LAMB1: variants seen among roughly 807,000 people sequenced by gnomAD.
LAMB1 encodes the protein laminin subunit beta 1, also known as laminin subunit beta-1.
A neutral mutation model predicts 222.3 loss-of-function variants in LAMB1; 121 were observed. The observed-to-expected ratio is 0.54, with a 90% CI of 0.47 to 0.63. The LOEUF is 0.63. Ranked by LOEUF, LAMB1 falls within the 30% of genes least tolerant of loss-of-function variation. The probability of loss-of-function intolerance (pLI) is 0.00; values close to 1 mark genes in which losing one functional copy is unlikely to be tolerated. For missense variants in LAMB1, 2,172 were observed against 2,240.8 expected (o/e 0.97, Z 0.62); for synonymous variants, 794 against 807.2 (o/e 0.98, Z 0.28).
At chr7:107,960,914 G>C (rs560048993) in intron 17 of LAMB1, among the ~76,000 whole-genome samples, 2 of 152,174 alleles carry the variant, frequency 1.3e-5, no homozygotes, top group African/African-American at 2.4e-5. Flanking sequence ...GGCTGGTCTT[G>C]AACTCCTGGC....
In LAMB1 at chr7:107,926,297, C is replaced by T; in HGVS notation, c.4950G>A (p.Glu1650=). The change falls in exon 32 of 34, where the codon GAG becomes GAA. Residue 1650 remains glutamate, a synonymous_variant. Coordinates refer to ENST00000222399, the MANE Select transcript of LAMB1 (RefSeq NM_002291.3). The stretch of plus-strand genomic sequence containing the variant: ...TAAGTTCTTCCACATTCCTCTCTAA[C>T]TCGCTGATGCGCTGGGACGCGTTGA... The part of the protein sequence containing the change: ...TLFNASQRIS[E]LERNVEELKR... 6.2e-7 allele frequency: 1 copy of T among 1,614,012 alleles called. No individual in the cohort carries two copies. The highest frequency in any genetic ancestry group is 8.5e-7 in the Non-Finnish European group (1 of 1,179,894).
chr7:107,961,122 A>AC (rs1167645151), intron 17 of LAMB1, 84 bp downstream of exon 17: 46 of 1,519,100 alleles, frequency 3.0e-5, no homozygotes, highest in Non-Finnish European at 4.2e-5. Flanking sequence ...CCTCAGCATT[A>AC]CCCCTCAACA....
chr7:107,956,038 A>G (rs2033369351), intron 20 of LAMB1, among the ~76,000 whole-genome samples: 1 of 152,236 alleles, frequency 6.6e-6, no homozygotes, highest in Non-Finnish European at 1.5e-5. Flanking sequence ...CTGGGATTAT[A>G]GGCATGCACC....
At chr7:107,977,122 C>T (rs896683381) in intron 9 of LAMB1, among the ~76,000 whole-genome samples, 13 of 151,760 alleles carry the variant, frequency 8.6e-5, no homozygotes, top group African/African-American at 3.1e-4. Context: ...TCCCTCCCTC[C>T]CTTCCTTCTC....
intron 10 of LAMB1, 108 bp downstream of exon 10, chr7:107,975,581 C>T: frequency 7.7e-7 from 1 of 1,294,632 alleles, no homozygotes; most frequent in Non-Finnish European, 1.1e-6. Flanking sequence ...ATTACAATAA[C>T]AATGCTGGCT....
intron 24 of LAMB1, 200 bp downstream of exon 24, chr7:107,951,024 CTT>C (rs374482862): frequency 1.9e-6 from 1 of 525,098 alleles, no homozygotes; most frequent in African/African-American, 1.9e-5. Flanking sequence ...CACATCCACT[CTT>C]GACTACCTAT....
At chr7:107,931,257 TGTCACTTA>T in intron 29 of LAMB1, 91 bp downstream of exon 29, 1 of 954,618 alleles carries the variant, frequency 1.0e-6, no homozygotes, top group East Asian at 2.6e-5. Flanking sequence ...TATTTGGAAA[TGTCACTTA>T]GTACCCTGAC....
intron 5 of LAMB1, among the ~76,000 whole-genome samples, chr7:107,990,520 T>C (rs1181795422): frequency 1.3e-5 from 2 of 152,166 alleles, no homozygotes; most frequent in Admixed American, 6.5e-5. Context: ...CTTCACCATC[T>C]TCCTAGTTAT....
intron 31 of LAMB1, among the ~76,000 whole-genome samples, chr7:107,928,326 G>A (rs2032617319): frequency 6.6e-6 from 1 of 152,290 alleles, no homozygotes; most frequent in South Asian, 2.1e-4. Flanking sequence ...CAGACTGACT[G>A]TTCTCCCATA....
intron 13 of LAMB1, among the ~76,000 whole-genome samples, chr7:107,969,450 C>G (rs1396512987): frequency 6.6e-6 from 1 of 152,106 alleles, no homozygotes; most frequent in Non-Finnish European, 1.5e-5. Flanking sequence ...TTCATAATAA[C>G]CAACCACAGT....
chr7:107,994,555 G>T (rs1011860470), intron 5 of LAMB1, among the ~76,000 whole-genome samples: 1 of 152,090 alleles, frequency 6.6e-6, no homozygotes, highest in Non-Finnish European at 1.5e-5. Flanking sequence ...AAACACAAGG[G>T]ACCAGGGATT....
intron 3 of LAMB1, among the ~76,000 whole-genome samples, chr7:108,001,159 A>C (rs1273695839): frequency 2.0e-5 from 3 of 152,208 alleles, no homozygotes; most frequent in Non-Finnish European, 4.4e-5. Context: ...TCATTGCTGG[A>C]ATCCTCTTTA....
chr7:107,932,248 C>G lies in LAMB1; in HGVS notation c.4318G>C (p.Ala1440Pro), dbSNP rs267601228. ...TCCAAGTCCATGGCTTTCTGCCAGG[C>G]GTTGTGTGCAACAGTAACCAGACCA... Reference protein sequence around the residue: ...CGGLVTVAHNAWQKAMDLDQD... With the variant: ...CGGLVTVAHNPWQKAMDLDQD... The change falls in exon 28 of 34, where the codon GCC (alanine) becomes CCC (proline). Residue 1440 changes from alanine (A) to proline (P), a missense_variant. Ala to Pro is a conservative substitution (Grantham distance 27, BLOSUM62 -1). Coordinates refer to ENST00000222399, the MANE Select transcript of LAMB1 (RefSeq NM_002291.3). The G allele has an allele frequency of 1.2e-6, 2 of 1,614,230 alleles. No homozygotes were observed. The highest frequency in any genetic ancestry group is 2.2e-5 in the South Asian group (2 of 91,086).
At position 107,931,433 on chromosome 7, in the gene LAMB1, T is replaced by C. The variant is rs780013406; in HGVS notation, c.4460A>G (p.Asn1487Ser). ...CTTGTCCATTTTTTCTTTGGTAGCA[T>C]TTGTCTTCAACAGAATGTCTTCAGC... The part of the protein sequence containing the change: ...QSAEDILLKT[N>S]ATKEKMDKSN... The change falls in exon 29 of 34, where the codon AAT becomes AGT. Residue 1487 changes from asparagine to serine, a missense_variant. Physicochemically the swap from Asn to Ser is conservative, Grantham distance 46. Transcript: ENST00000222399. 2 of 1,613,876 alleles carry C rather than the reference T, an allele frequency of 1.2e-6. No homozygotes were observed. The highest frequency in any genetic ancestry group is 2.2e-5 in the South Asian group (2 of 91,082).
rs2032489842 is a variant in LAMB1, at chr7:107,923,921, T to TCACCTCAGCCATTTTTTGG, written c.*29_*30insCCAAAAAATGGCTGAGGTG. 1 of 1,578,130 alleles carries TCACCTCAGCCATTTTTTGG rather than the reference T, an allele frequency of 6.3e-7. No homozygotes were observed. Among genetic ancestry groups the TCACCTCAGCCATTTTTTGG allele is most frequent in the Non-Finnish European group, 8.6e-7 (1 of 1,166,512 alleles). On this transcript the variant is annotated 3_prime_UTR_variant, in exon 34 of 34. Transcript: ENST00000222399. ...TTTAAAATGTAGTTGTTTTACCTTG[T>TCACCTCAGCCATTTTTTGG]TCACCTCAGCCATTTTTTATTCTCC...
At chr7:107,991,905 CA>C (rs71134302) in intron 5 of LAMB1, among the ~76,000 whole-genome samples, 49 of 91,978 alleles carry the variant, frequency 5.3e-4, no homozygotes, top group East Asian at 7.8e-4. Context: ...GACTTCGTCT[CA>C]AAAAAAAAAA....
rs371779044 is a variant in LAMB1 at position 107,951,253 on chromosome 7, A to C, written c.3364T>G (p.Trp1122Gly). 1.2e-6 allele frequency: 2 copies of C among 1,614,092 alleles called. No homozygotes were observed. The highest frequency in any genetic ancestry group is 1.7e-6 in the Non-Finnish European group (2 of 1,180,032). ...RTCSECQELF[W>G]GDPDVECRAC... The stretch of plus-strand genomic sequence containing the variant: ...CGGCACTCCACGTCGGGGTCTCCCC[A>C]GAAGAGTTCCTGGCACTCGCTGCAG... Residue 1122 changes from tryptophan (W) to glycine (G), a missense_variant, in exon 24 of 34, where the codon TGG becomes GGG. Trp to Gly is a radical substitution (Grantham distance 184). Coordinates refer to ENST00000222399, the MANE Select transcript of LAMB1 (RefSeq NM_002291.3).
At chr7:107,969,992 A>G (rs1469527766) in intron 13 of LAMB1, among the ~76,000 whole-genome samples, 1 of 152,228 alleles carries the variant, frequency 6.6e-6, no homozygotes, top group Non-Finnish European at 1.5e-5. Flanking sequence ...GATTCGAAGT[A>G]CAATAAATTT....
chr7:107,975,489 T>C, intron 10 of LAMB1, 76 bp from the exon 11 acceptor site: 2 of 1,392,074 alleles, frequency 1.4e-6, no homozygotes, highest in African/African-American at 1.5e-5. Context: ...ATATATTCCC[T>C]TCCTCCCTCT....
Sources: allele counts gnomAD v4.1 joint callset (sites outside exome capture counted in the v4.1 genomes callset), GRCh38; gene constraint gnomAD v4.1.1; transcripts MANE v1.5; gene names NCBI Gene and HGNC (gene_info 2026-07-23, HGNC 2026-07-21).